Variants in PUDP observed in about 807,000 individuals in gnomAD.
PUDP encodes pseudouridine 5'-phosphatase.
In PUDP, 8 loss-of-function variants were observed where a neutral mutation model predicts 9.4. The ratio of observed to expected loss-of-function variants is 0.85; its 90% CI spans 0.50 to 1.53. The LOEUF (loss-of-function observed/expected upper bound fraction) is 1.53. Ranked by LOEUF, PUDP falls within the 40% of genes most tolerant of loss-of-function variation. The pLI, the probability that PUDP is intolerant of heterozygous loss-of-function variation, is 0.00. For synonymous variants in PUDP, 99 were observed against 80.7 expected (o/e 1.23, Z -1.22); for missense variants, 188 against 189.7 (o/e 0.99, Z 0.05).
intron 3 of PUDP, among the ~76,000 whole-genome samples, chrX:6,976,691 T>A (rs1054460074): frequency 5.4e-5 from 6 of 112,039 alleles, no homozygotes; most frequent in Non-Finnish European, 9.4e-5. Context: ...GAGCCAAAGT[T>A]TAGCACCTCT....
chrX:6,891,285 A>AC (rs1236507546), intron 3 of PUDP, among the ~76,000 whole-genome samples: 1 of 111,955 alleles, frequency 8.9e-6, no homozygotes, highest in African/African-American at 3.2e-5. Flanking sequence ...ATAGAGTATC[A>AC]CTTCCATGAA....
chrX:6,815,703 TGA>T (rs1328745324), intron 3 of PUDP, among the ~76,000 whole-genome samples: 2 of 110,596 alleles, frequency 1.8e-5, no homozygotes, highest in Non-Finnish European at 3.8e-5. Context: ...GTGGCATTTC[TGA>T]GAGATGGCCA....
At chrX:7,050,803 T>C (rs1304063385) in intron 3 of PUDP, among the ~76,000 whole-genome samples, 3 of 112,584 alleles carry the variant, frequency 2.7e-5, no homozygotes, top group Non-Finnish European at 3.7e-5. Context: ...CAATCAATAA[T>C]TGAACATTCA....
chrX:7,081,914 A>G (rs1053863094), intron 2 of PUDP, among the ~76,000 whole-genome samples: 1 of 112,923 alleles, frequency 8.9e-6, no homozygotes, highest in Non-Finnish European at 1.9e-5. Flanking sequence ...GATCCTAATC[A>G]CCTGATTCAA....
In PUDP at chrX:6,714,981, GTA is replaced by G. The variant is rs1321961813; in HGVS notation, n.128+6434_128+6435del. On this transcript the variant is annotated intron_variant and non_coding_transcript_variant, in intron 1 of 2. Transcript: ENST00000438499. ...TAGATATGTGTGTGTATGTGTGTGT[GTA>G]TATATATATATGTGTGTGTGTGTGT... 2.1e-4 allele frequency among the ~76,000 whole-genome samples: 20 copies of G among 95,827 alleles called. 1 individual carries two copies. Among genetic ancestry groups the G allele is most frequent in the South Asian group, 4.2e-4 (1 of 2,371 alleles). 83.2% of individuals were successfully genotyped at this position (95,827 alleles called of 115,157 possible). A position where few individuals can be genotyped will look rare whatever the true frequency, so the allele number is the denominator to read the frequency against.
chrX:6,941,232 A>G (rs772698172), intron 3 of PUDP, among the ~76,000 whole-genome samples: 1 of 111,334 alleles, frequency 9.0e-6, no homozygotes, highest in Admixed American at 9.6e-5. Flanking sequence ...AAGGGAAGGA[A>G]ATTCCAATCT....
chrX:6,726,856 A>G (rs927877233), intron 3 of PUDP, among the ~76,000 whole-genome samples: 1 of 111,887 alleles, frequency 8.9e-6, no homozygotes, highest in Non-Finnish European at 1.9e-5. Flanking sequence ...TAAATAAGAG[A>G]CCAATCAATT....
At chrX:7,110,159 C>T (rs1289620582) in intron 1 of PUDP, among the ~76,000 whole-genome samples, 4 of 111,967 alleles carry the variant, frequency 3.6e-5, no homozygotes, top group Non-Finnish European at 7.5e-5. Flanking sequence ...CCTGAGTTCC[C>T]GGGGGCTTAT....
chrX:7,139,717 C>G (rs974517718), intron 1 of PUDP, among the ~76,000 whole-genome samples: 1 of 112,075 alleles, frequency 8.9e-6, no homozygotes, highest in Non-Finnish European at 1.9e-5. Flanking sequence ...CCTTGAACAG[C>G]TATGTCATCT....
chrX:6,837,898 A>G (rs1401120812), intron 3 of PUDP, among the ~76,000 whole-genome samples: 1 of 111,482 alleles, frequency 9.0e-6, no homozygotes, highest in Admixed American at 9.6e-5. Context: ...TACCAAAAAA[A>G]AAAAAATAAG....
chrX:7,045,031 C>T (rs778398910), downstream of PUDP, among the ~76,000 whole-genome samples: 1 of 112,119 alleles, frequency 8.9e-6, no homozygotes, highest in African/African-American at 3.2e-5. Flanking sequence ...TGTGTCCCCC[C>T]CCAAATCTCA....
At chrX:7,033,145 C>A (rs1929812620) in intron 1 of PUDP, among the ~76,000 whole-genome samples, 1 of 111,769 alleles carries the variant, frequency 8.9e-6, no homozygotes, top group South Asian at 3.8e-4. Context: ...CCTCAAAAAT[C>A]AGACTCCAAG....
chrX:6,769,740 A>C (rs1925333870), intron 3 of PUDP, among the ~76,000 whole-genome samples: 1 of 112,316 alleles, frequency 8.9e-6, no homozygotes, highest in Non-Finnish European at 1.9e-5. Flanking sequence ...TTATAGCACA[A>C]TCACAAGCTC....
upstream of PUDP, among the ~76,000 whole-genome samples, chrX:6,722,303 G>A (rs1254317036): frequency 9.1e-6 from 1 of 109,956 alleles, no homozygotes; most frequent in Non-Finnish European, 1.9e-5. Flanking sequence ...AAAATAGCCA[G>A]AGGTGGTGGC....
chrX:6,781,521 A>G (rs190338675), intron 3 of PUDP, among the ~76,000 whole-genome samples: 45 of 112,047 alleles, frequency 4.0e-4, no homozygotes, highest in Middle Eastern at 4.6e-3. Flanking sequence ...CCTGCCTCTC[A>G]GAATCCTCTG....
At chrX:7,023,571 T>C (rs1357582970) in intron 1 of PUDP, among the ~76,000 whole-genome samples, 2 of 112,284 alleles carry the variant, frequency 1.8e-5, no homozygotes, top group African/African-American at 6.5e-5. Context: ...TTCATTTTTT[T>C]TGCATATGAA....
chrX:6,858,335 C>CTT (rs113300792), intron 3 of PUDP, among the ~76,000 whole-genome samples: 14 of 67,756 alleles, frequency 2.1e-4, no homozygotes, highest in Non-Finnish European at 2.5e-4. Context: ...TTTTTTTTTT[C>CTT]TTTTTTTTTT....
At chrX:7,081,547 G>A (rs1241783420) in intron 2 of PUDP, among the ~76,000 whole-genome samples, 3 of 112,498 alleles carry the variant, frequency 2.7e-5, no homozygotes, top group Non-Finnish European at 5.6e-5. Flanking sequence ...AATGTGTCTA[G>A]ACTGGAATGC....
chrX:7,094,898 T>A (rs761057708), intron 2 of PUDP, among the ~76,000 whole-genome samples: 35 of 111,119 alleles, frequency 3.1e-4, no homozygotes, highest in African/African-American at 1.1e-3. Flanking sequence ...ATCCAAGGAG[T>A]ACAATCTGCC....
Sources: gnomAD v4.1 joint callset for allele counts (sites outside exome capture counted in the v4.1 genomes callset) on GRCh38, gnomAD v4.1.1 for gene constraint, MANE v1.5 for transcripts, NCBI Gene and HGNC (gene_info 2026-07-23, HGNC 2026-07-21) for gene names.